The following OXR1 variants were observed in gnomAD, a reference collection of about 807,000 sequenced individuals.
OXR1 encodes oxidation resistance 1.
A neutral mutation model predicts 104.6 loss-of-function variants in OXR1; 41 were observed. That is an observed-to-expected ratio of 0.39 (90% CI 0.31 to 0.51). OXR1 has a LOEUF of 0.51. Ranked by LOEUF, OXR1 falls within the 20% of genes least tolerant of loss-of-function variation. The probability of loss-of-function intolerance (pLI) is 0.77; values close to 1 mark genes in which losing one functional copy is unlikely to be tolerated. For missense variants in OXR1, 955 were observed against 1,031.9 expected, an observed-to-expected ratio of 0.93 and a Z score of 1.02; for synonymous variants, 348 against 348.4, an observed-to-expected ratio of 1.00 and a Z score of 0.01.
intron 7 of OXR1, chr8:106,697,639 A>T: frequency 6.2e-7 from 1 of 1,613,940 alleles, no homozygotes; most frequent in Non-Finnish European, 8.5e-7. Flanking sequence ...CGTCCGCTGC[A>T]CACAGGCCAT....
chr8:106,559,081 G>A (rs137978331), intron 3 of OXR1, among the ~76,000 whole-genome samples: 164 of 152,044 alleles, frequency 1.1e-3, no homozygotes, highest in African/African-American at 3.6e-3. Context: ...ACCATGCCAC[G>A]CTCTCAACAC....
At chr8:106,589,042 C>A (rs1818866854) in intron 3 of OXR1, among the ~76,000 whole-genome samples, 1 of 124,246 alleles carries the variant, frequency 8.0e-6, no homozygotes, top group South Asian at 2.4e-4. Flanking sequence ...GAAAGAGGTG[C>A]AGGCTCCTTC....
intron 2 of OXR1, among the ~76,000 whole-genome samples, chr8:106,428,437 G>GT (rs1819222434): frequency 6.6e-6 from 1 of 152,176 alleles, no homozygotes; most frequent in Non-Finnish European, 1.5e-5. Context: ...GAGGCTGGGA[G>GT]TTTAAGTATT....
At chr8:106,471,900 C>T (rs565219652) in intron 2 of OXR1, among the ~76,000 whole-genome samples, 1 of 151,916 alleles carries the variant, frequency 6.6e-6, no homozygotes, top group East Asian at 1.9e-4. Context: ...CCCTGCTTCA[C>T]CTAGTGTTAA....
chr8:106,680,046 C>T (rs1827996390), intron 4 of OXR1, among the ~76,000 whole-genome samples: 1 of 152,010 alleles, frequency 6.6e-6, no homozygotes, highest in Non-Finnish European at 1.5e-5. Context: ...ATTATGAAAC[C>T]GTCCAGTCTT....
intron 1 of OXR1, among the ~76,000 whole-genome samples, chr8:106,346,800 G>A (rs545024111): frequency 1.3e-5 from 2 of 152,276 alleles, no homozygotes; most frequent in East Asian, 1.9e-4. Context: ...AGCACTTTGG[G>A]AGGCCAAGGC....
chr8:106,354,687 A>G (rs897337411), intron 1 of OXR1, among the ~76,000 whole-genome samples: 5 of 152,196 alleles, frequency 3.3e-5, no homozygotes, highest in African/African-American at 1.2e-4. Context: ...TGAAATATAG[A>G]AAACCTATAT....
intron 1 of OXR1, among the ~76,000 whole-genome samples, chr8:106,307,846 T>C (rs1813526820): frequency 6.6e-6 from 1 of 152,188 alleles, no homozygotes; most frequent in African/African-American, 2.4e-5. Flanking sequence ...CTACAAAATC[T>C]TGGAGTGATA....
chr8:106,557,923 T>C (rs1268940960), intron 3 of OXR1, among the ~76,000 whole-genome samples: 1 of 152,218 alleles, frequency 6.6e-6, no homozygotes, highest in African/African-American at 2.4e-5. Context: ...AATTTAAACA[T>C]AACTCAGAAA....
chr8:106,435,298 G>A (rs1469151177), intron 2 of OXR1, among the ~76,000 whole-genome samples: 2 of 152,148 alleles, frequency 1.3e-5, no homozygotes, highest in Non-Finnish European at 2.9e-5. Context: ...ATTTCGAAGA[G>A]CTCTCCTTGG....
At chr8:106,300,862 C>T (rs1813207666) in intron 1 of OXR1, among the ~76,000 whole-genome samples, 1 of 152,184 alleles carries the variant, frequency 6.6e-6, no homozygotes, top group Non-Finnish European at 1.5e-5. Flanking sequence ...GAGAAACAAT[C>T]TCTTCATACA....
chr8:106,513,437 G>A (rs1812666029), intron 2 of OXR1, among the ~76,000 whole-genome samples: 1 of 150,796 alleles, frequency 6.6e-6, no homozygotes, highest in African/African-American at 2.5e-5. Context: ...ACACACTCAG[G>A]TGATCTATCT....
At chr8:106,610,686 A>G (rs1239635511) in intron 3 of OXR1, among the ~76,000 whole-genome samples, 1 of 152,092 alleles carries the variant, frequency 6.6e-6, no homozygotes, top group Non-Finnish European at 1.5e-5. Context: ...CCTGCTCCCA[A>G]CTACCTGTTC....
At chr8:106,418,405 C>T (rs1434099729) in intron 2 of OXR1, among the ~76,000 whole-genome samples, 1 of 151,930 alleles carries the variant, frequency 6.6e-6, no homozygotes, top group Admixed American at 6.6e-5. Context: ...TCAAATGTTA[C>T]AATATAAAGT....
At chr8:106,499,829 A>G (rs917351343) in intron 2 of OXR1, among the ~76,000 whole-genome samples, 4 of 152,338 alleles carry the variant, frequency 2.6e-5, no homozygotes, top group South Asian at 4.1e-4. Context: ...GTGTGGTAGA[A>G]AAAAGACGTG....
intron 3 of OXR1, among the ~76,000 whole-genome samples, chr8:106,559,718 A>G (rs1465138670): frequency 1.3e-5 from 2 of 152,110 alleles, no homozygotes; most frequent in Non-Finnish European, 2.9e-5. Flanking sequence ...GTATCCTCAC[A>G]TGGCAAAAAG....
At chr8:106,316,717 C>CTATCATCTATCT (rs147531007) in intron 1 of OXR1, among the ~76,000 whole-genome samples, 4 of 118,638 alleles carry the variant, frequency 3.4e-5, no homozygotes, top group African/African-American at 1.5e-4. Flanking sequence ...ATCTATCTAT[C>CTATCATCTATCT]ATCTATCTAT....
At chr8:106,697,971 C>T in intron 7 of OXR1, 2 of 1,612,930 alleles carry the variant, frequency 1.2e-6, no homozygotes, top group Non-Finnish European at 1.7e-6. Context: ...TCTTCTGCTG[C>T]ACCTCCTGGC....
At chr8:106,363,118 A>T (rs766914297) in intron 2 of OXR1, among the ~76,000 whole-genome samples, 5 of 152,226 alleles carry the variant, frequency 3.3e-5, no homozygotes, top group Non-Finnish European at 7.3e-5. Flanking sequence ...CACTGGATGA[A>T]AGGCAGAATC....
Sources: allele counts gnomAD v4.1 joint callset (sites outside exome capture counted in the v4.1 genomes callset), GRCh38; gene constraint gnomAD v4.1.1; transcripts MANE v1.5; gene names NCBI Gene and HGNC (gene_info 2026-07-23, HGNC 2026-07-21).